HK1: variants seen among roughly 807,000 people sequenced by gnomAD.
HK1 encodes hexokinase 1.
HK1 carries 28 observed loss-of-function variants against 91.6 expected under a neutral mutation model. That is an observed-to-expected ratio of 0.31 (90% CI 0.23 to 0.42). HK1 has a LOEUF of 0.42. Ranked by LOEUF, HK1 falls within the 10% of genes least tolerant of loss-of-function variation. The pLI is 1.00. For synonymous variants in HK1, 430 were observed against 468.1 expected (o/e 0.92, Z 1.05); for missense variants, 770 against 1,219.8 (o/e 0.63, Z 5.49).
intron 14 of HK1, among the ~76,000 whole-genome samples, chr10:69,391,097 A>G (rs1839876139): frequency 1.3e-5 from 2 of 152,178 alleles, no homozygotes; most frequent in African/African-American, 4.8e-5. Context: ...GAGATTCCTG[A>G]GCCCCTGGCA....
intron 2 of HK1, among the ~76,000 whole-genome samples, chr10:69,346,131 TATC>T (rs1725957340): frequency 6.6e-6 from 1 of 152,216 alleles, no homozygotes; most frequent in Admixed American, 6.5e-5. Flanking sequence ...TTGGCTCCTT[TATC>T]ATCCAAGAAT....
intron 1 of HK1, among the ~76,000 whole-genome samples, chr10:69,336,091 C>T (rs939162841): frequency 1.3e-5 from 2 of 152,166 alleles, no homozygotes; most frequent in Non-Finnish European, 2.9e-5. Context: ...GCAGGGATAT[C>T]TCTGGGGAGA....
At chr10:69,289,468 T>C in intron 3 of HK1, among the ~76,000 whole-genome samples, 1 of 24,878 alleles carries the variant, frequency 4.0e-5, no homozygotes, top group African/African-American at 8.6e-5. Flanking sequence ...AAAATTTTTT[T>C]TTTTTTTTTT....
chr10:69,340,120 T>G (rs1336664289), intron 1 of HK1, among the ~76,000 whole-genome samples: 2 of 152,222 alleles, frequency 1.3e-5, no homozygotes, highest in East Asian at 1.9e-4. Context: ...TTTCTTTCCC[T>G]GGGGAACTCA....
intron 2 of HK1, among the ~76,000 whole-genome samples, chr10:69,345,044 C>T (rs746774482): frequency 4.6e-5 from 7 of 151,926 alleles, no homozygotes; most frequent in Admixed American, 6.6e-5. Context: ...GCAAAATGGA[C>T]GCCAGGAAAC....
intron 1 of HK1, chr10:69,338,169 A>C (rs1433622093): frequency 1.1e-6 from 1 of 918,146 alleles, no homozygotes; most frequent in African/African-American, 1.7e-5. Context: ...CACAAGAAGG[A>C]GAATCCAGGA....
At chr10:69,330,519 C>T (rs1031741995) in intron 1 of HK1, among the ~76,000 whole-genome samples, 14 of 152,088 alleles carry the variant, frequency 9.2e-5, no homozygotes, top group East Asian at 1.9e-4. Context: ...AGAACCAGAA[C>T]GGTGGTCCAG....
At chr10:69,343,438 C>T (rs188769436) in intron 1 of HK1, among the ~76,000 whole-genome samples, 9 of 152,254 alleles carry the variant, frequency 5.9e-5, no homozygotes, top group South Asian at 2.1e-4. Context: ...AGCCCTTGTT[C>T]GTAGCCTCTC....
intron 3 of HK1, among the ~76,000 whole-genome samples, chr10:69,361,516 C>T (rs1053616829): frequency 5.9e-5 from 9 of 152,228 alleles, no homozygotes; most frequent in African/African-American, 1.2e-4. Flanking sequence ...CTAAGCCTGG[C>T]GCATTCAACA....
intron 1 of HK1, among the ~76,000 whole-genome samples, chr10:69,274,912 C>A (rs993063836): frequency 6.6e-6 from 1 of 152,030 alleles, no homozygotes; most frequent in Non-Finnish European, 1.5e-5. Flanking sequence ...TCTAATCTCC[C>A]CCAACCCATG....
chr10:69,340,563 T>G (rs1288725466), intron 1 of HK1, among the ~76,000 whole-genome samples: 1 of 152,206 alleles, frequency 6.6e-6, no homozygotes, highest in Non-Finnish European at 1.5e-5. Context: ...AAATTAAAAT[T>G]AAAAAATATT....
intron 7 of HK1, among the ~76,000 whole-genome samples, chr10:69,376,593 A>G (rs1428156527): frequency 2.0e-5 from 3 of 152,232 alleles, no homozygotes; most frequent in Middle Eastern, 3.2e-3. Context: ...GGAGATTATC[A>G]TATTTTGCAC....
intron 1 of HK1, among the ~76,000 whole-genome samples, chr10:69,339,778 C>T (rs1303589081): frequency 1.3e-5 from 2 of 152,204 alleles, no homozygotes; most frequent in African/African-American, 2.4e-5. Context: ...TTGGATCTGC[C>T]TTCTGCAGAG....
chr10:69,307,195 C>A (rs565611901), intron 5 of HK1, among the ~76,000 whole-genome samples: 10 of 152,054 alleles, frequency 6.6e-5, no homozygotes, highest in African/African-American at 2.4e-4. Context: ...AAGGGCATAG[C>A]GAGACAGACC....
At chr10:69,359,447 A>G (rs1383735315) in intron 2 of HK1, among the ~76,000 whole-genome samples, 1 of 152,200 alleles carries the variant, frequency 6.6e-6, no homozygotes, top group Non-Finnish European at 1.5e-5. Flanking sequence ...GAACCCTGGA[A>G]TAATTGATGT....
intron 1 of HK1, among the ~76,000 whole-genome samples, chr10:69,328,900 A>G (rs148507284): frequency 6.6e-6 from 1 of 152,174 alleles, no homozygotes; most frequent in East Asian, 1.9e-4. Context: ...AAATGGAATA[A>G]TATAAAATGA....
chr10:69,314,020 T>A (rs193028536), upstream of HK1, among the ~76,000 whole-genome samples: 38 of 152,188 alleles, frequency 2.5e-4, no homozygotes, highest in African/African-American at 8.9e-4. Context: ...AGGGGCTGGG[T>A]GGCCAGTGTC....
upstream of HK1, among the ~76,000 whole-genome samples, chr10:69,314,015 C>G (rs972684725): frequency 1.3e-5 from 2 of 152,126 alleles, no homozygotes; most frequent in Non-Finnish European, 2.9e-5. Flanking sequence ...TCTCCAGGGG[C>G]TGGGTGGCCA....
chr10:69,300,143 C>T (rs979162852), intron 4 of HK1, among the ~76,000 whole-genome samples: 1 of 151,626 alleles, frequency 6.6e-6, no homozygotes, highest in Non-Finnish European at 1.5e-5. Context: ...GTAACCGTTG[C>T]CCAGTTCAAG....
Sources: allele counts gnomAD v4.1 joint callset (sites outside exome capture counted in the v4.1 genomes callset), GRCh38; gene constraint gnomAD v4.1.1; transcripts MANE v1.5; gene names NCBI Gene and HGNC (gene_info 2026-07-23, HGNC 2026-07-21).